TCF3: variants seen among roughly 807,000 people sequenced by gnomAD.
TCF3 encodes transcription factor E2-alpha.
A neutral mutation model predicts 72.3 loss-of-function variants in TCF3; 54 were observed. The ratio of observed to expected loss-of-function variants is 0.75; its 90% CI spans 0.60 to 0.94. The LOEUF (loss-of-function observed/expected upper bound fraction) is 0.94, where lower values mean the gene tolerates loss of function less well. TCF3 is among the 40% of genes least tolerant of loss of function. The pLI, the probability that TCF3 is intolerant of heterozygous loss-of-function variation, is 0.00. For synonymous variants in TCF3, 525 were observed against 412.6 expected (o/e 1.27, Z -3.30); for missense variants, 1,078 against 934.4 (o/e 1.15, Z -2.00).
intron 3 of TCF3, among the ~76,000 whole-genome samples, chr19:1,635,978 A>G (rs2064344613): frequency 1.3e-5 from 2 of 152,232 alleles, no homozygotes; most frequent in Middle Eastern, 6.8e-3. Context: ...CTTCCTCCTT[A>G]TAATTAAAAT....
intron 6 of TCF3, among the ~76,000 whole-genome samples, chr19:1,627,081 G>A (rs1334263537): frequency 1.3e-5 from 2 of 152,126 alleles, no homozygotes; most frequent in Non-Finnish European, 2.9e-5. Context: ...CTGCTGCATG[G>A]CCTGTTTTCC....
intron 2 of TCF3, among the ~76,000 whole-genome samples, chr19:1,648,901 C>A (rs2066561295): frequency 6.6e-6 from 1 of 152,032 alleles, no homozygotes; most frequent in African/African-American, 2.4e-5. Context: ...TCTCCAGGAA[C>A]CCATAACACA....
intron 18 of TCF3, among the ~76,000 whole-genome samples, chr19:1,613,165 T>C: frequency 6.6e-6 from 1 of 152,170 alleles, no homozygotes; most frequent in Non-Finnish European, 1.5e-5. Flanking sequence ...ATGTGTGTGT[T>C]GTCACATGCG....
intron 16 of TCF3, among the ~76,000 whole-genome samples, chr19:1,617,280 C>T (rs956859987): frequency 2.0e-5 from 3 of 152,238 alleles, no homozygotes; most frequent in Non-Finnish European, 2.9e-5. Context: ...TACAGCCCCA[C>T]GCCCGGGCCA....
Position 1,621,500 on chromosome 19 carries a change from G to C in TCF3, c.956-309C>G, listed in dbSNP as rs553640005. 1.5e-4 allele frequency among the ~76,000 whole-genome samples: 22 copies of C among 151,372 alleles called. No individual in the cohort carries two copies. The East Asian group carries it at 4.3e-3, about 29-fold the overall frequency. The stretch of plus-strand genomic sequence containing the variant: ...GTAACTGAGTCCCTCTCTGGGCCTG[G>C]GTGGGTGAGTCCCTCTCTGGGCCTG... On this transcript the variant is annotated intron_variant, in intron 11 of 18. Coordinates refer to ENST00000262965, the MANE Select transcript of TCF3 (RefSeq NM_003200.5).
At chr19:1,646,574 C>T in intron 2 of TCF3, 147 bp from the exon 3 acceptor site, 1 of 688,628 alleles carries the variant, frequency 1.5e-6, no homozygotes, top group Non-Finnish European at 2.5e-6. Context: ...TCCTGCTCCG[C>T]CCCATCACAG....
rs181521906 is a variant in TCF3, at chr19:1,639,660, G to A, written c.145+6695C>T. On this transcript the variant is annotated intron_variant, in intron 3 of 18. Coordinates refer to ENST00000262965, the MANE Select transcript of TCF3 (RefSeq NM_003200.5). Reference sequence around the variant, plus strand: ...TAGCTACCGTTTAAGCCAAAGCTGAGTTTTGGCACTGGAGATCTAGAAATC... The same window carrying A: ...TAGCTACCGTTTAAGCCAAAGCTGAATTTTGGCACTGGAGATCTAGAAATC... 2.6e-4 allele frequency among the ~76,000 whole-genome samples: 37 copies of A among 143,380 alleles called. No individual in the cohort carries two copies. The East Asian group carries it at 8.1e-3, about 31-fold the overall frequency. The allele number at this position is 143,380 out of a possible 152,430, so 94.1% of individuals were successfully genotyped here.
intron 8 of TCF3, among the ~76,000 whole-genome samples, chr19:1,623,684 C>A (rs2146201814): frequency 6.6e-6 from 1 of 152,240 alleles, no homozygotes; most frequent in South Asian, 2.1e-4. Flanking sequence ...ACACCCAGCA[C>A]AATTGTGCCC....
At chr19:1,631,423 C>T (rs1472433280) in intron 5 of TCF3, among the ~76,000 whole-genome samples, 1 of 152,102 alleles carries the variant, frequency 6.6e-6, no homozygotes, top group African/African-American at 2.4e-5. Flanking sequence ...CATCCAACAC[C>T]ATGACCGGCT....
chr19:1,625,681 G>T lies in TCF3; in HGVS notation c.394C>A (p.Leu132Ile). 6.6e-7 allele frequency: 1 copy of T among 1,520,104 alleles called. No individual in the cohort carries two copies. The allele number at this position is 1,520,104 out of a possible 1,614,324, so 94.2% of individuals were successfully genotyped here. A position where few individuals can be genotyped will look rare whatever the true frequency, so the allele number is the denominator to read the frequency against. ...QAGFLSGELALNSPGPLSPSG... is the reference protein window; with the variant it reads ...QAGFLSGELAINSPGPLSPSG... Reference sequence around the variant, plus strand: ...GGGGACAGGGGCCCGGGGCTGTTGAGGGCCAGCTCGCCTGACAGGAAGCCA... The same window carrying T: ...GGGGACAGGGGCCCGGGGCTGTTGATGGCCAGCTCGCCTGACAGGAAGCCA... The change falls in exon 7 of 19, where the codon CTC becomes ATC. Residue 132 changes from leucine to isoleucine, a missense_variant. Leu to Ile is a conservative substitution (Grantham distance 5). Transcript: ENST00000262965.
At position 1,615,861 on chromosome 19, in the gene TCF3, A is replaced by G; in HGVS notation, c.1451-40T>C. ...GGGTCAGGGGCCTGCGTCGGCCTCC[A>G]GGGCCAACTGACATATCTCTTTGTG... On this transcript the variant is annotated intron_variant, in intron 16 of 18. Transcript: ENST00000262965. This position sits in a 1 kb window ranked among gnomAD's most constrained non-coding sequence, Gnocchi z 7.3. 1 of 1,502,570 alleles carries G rather than the reference A, an allele frequency of 6.7e-7. No individual in the cohort carries two copies. The highest frequency in any genetic ancestry group is 8.9e-7 in the Non-Finnish European group (1 of 1,126,952). The allele number at this position is 1,502,570 out of a possible 1,614,324, so 93.1% of individuals were successfully genotyped here.
chr19:1,620,870 G>C (rs1055564050), intron 13 of TCF3, 98 bp downstream of exon 13: 28 of 1,236,916 alleles, frequency 2.3e-5, no homozygotes, highest in Middle Eastern at 5.3e-4. Context: ...ACCAGAACCA[G>C]CCTCCCCTCC....
chr19:1,649,965 C>A (rs372418089), intron 2 of TCF3, among the ~76,000 whole-genome samples: 1 of 152,214 alleles, frequency 6.6e-6, no homozygotes, highest in Non-Finnish European at 1.5e-5. Context: ...TAGAATGCTG[C>A]GTCCGGGCAA....
At chr19:1,622,647 T>C (rs2062390112) in intron 8 of TCF3, among the ~76,000 whole-genome samples, 1 of 152,172 alleles carries the variant, frequency 6.6e-6, no homozygotes, top group Non-Finnish European at 1.5e-5. Context: ...CCCGCCTCCC[T>C]GAACTTCTGA....
At chr19:1,634,426 T>C (rs541539243) in intron 3 of TCF3, among the ~76,000 whole-genome samples, 1 of 152,330 alleles carries the variant, frequency 6.6e-6, no homozygotes, top group African/African-American at 2.4e-5. Flanking sequence ...GGGAGAGGCC[T>C]GCGAGTGGAC....
At chr19:1,622,453 G>T in intron 8 of TCF3, 38 bp from the exon 9 acceptor site, 2 of 1,100,808 alleles carry the variant, frequency 1.8e-6, no homozygotes, top group South Asian at 1.6e-5. Context: ...CAGTCAGGAC[G>T]GAGGGACCAC....
rs2061465123 is a variant in TCF3 at position 1,615,560 on chromosome 19, T to C, written c.1587-40A>G. 6.2e-7 allele frequency: 1 copy of C among 1,604,316 alleles called. No individual in the cohort carries two copies. The highest frequency in any genetic ancestry group is 8.5e-7 in the Non-Finnish European group (1 of 1,179,650). On this transcript the variant is annotated intron_variant, in intron 17 of 18. Transcript: ENST00000262965. The surrounding 1 kb of genome is among the most constrained non-coding windows in gnomAD (Gnocchi z 7.3). ...CCGGGAGGGGGCCAGAGGGAGACAG[T>C]GAGGTTGGGGGAAGAGCGTGGGGCC...
At chr19:1,630,027 C>T (rs754651938) in intron 5 of TCF3, among the ~76,000 whole-genome samples, 13 of 152,180 alleles carry the variant, frequency 8.5e-5, no homozygotes, top group Non-Finnish European at 1.9e-4. Context: ...CGTGCCTCCC[C>T]GGGACCCCCG....
At chr19:1,646,136 G>T (rs149786099) in intron 3 of TCF3, among the ~76,000 whole-genome samples, 3 of 152,294 alleles carry the variant, frequency 2.0e-5, no homozygotes, top group African/African-American at 7.2e-5. Context: ...GGGACGAGGG[G>T]ACGAGGGGCT....
Sources: allele counts gnomAD v4.1 joint callset (sites outside exome capture counted in the v4.1 genomes callset), GRCh38; gene constraint gnomAD v4.1.1; non-coding constraint Gnocchi (gnomAD v3.1); transcripts MANE v1.5; gene names NCBI Gene and HGNC (gene_info 2026-07-23, HGNC 2026-07-21).